The following MTFR1 variants were observed in gnomAD, a reference collection of about 807,000 sequenced individuals.
The protein encoded by MTFR1 is mitochondrial fission regulator 1.
In MTFR1, 28 loss-of-function variants were observed where a neutral mutation model predicts 38.8. That is an observed-to-expected ratio of 0.72 (90% CI 0.53 to 0.99). The LOEUF (loss-of-function observed/expected upper bound fraction) is 0.99. MTFR1 is among the 50% of genes least tolerant of loss of function. The pLI, the probability that MTFR1 is intolerant of heterozygous loss-of-function variation, is 0.00. For missense variants in MTFR1, 358 were observed against 395.5 expected (o/e 0.91, Z 0.81); for synonymous variants, 145 against 137.0 (o/e 1.06, Z -0.41).
rs764160012 is a variant in MTFR1, at chr8:65,669,943, T to C, written c.-10T>C. 3.7e-6 allele frequency: 6 copies of C among 1,604,782 alleles called. No homozygotes were observed. In the South Asian group the frequency reaches 4.5e-5, roughly 12 times the overall value. On this transcript the variant is annotated 5_prime_UTR_variant, in exon 2 of 8. Coordinates refer to ENST00000262146, the MANE Select transcript of MTFR1 (RefSeq NM_014637.4). Reference sequence around the variant, plus strand: ...TTGAAATGCAAATTTGGGGAGACTTTGCCATATAAATGCTTGGCTGGATTA... The same window carrying C: ...TTGAAATGCAAATTTGGGGAGACTTCGCCATATAAATGCTTGGCTGGATTA...
chr8:65,777,591 T>C, the MTFR1 span, among the ~76,000 whole-genome samples: 1 of 152,236 alleles, frequency 6.6e-6, no homozygotes. Context: ...TGTCATGTTG[T>C]AGTATCAAGA....
intron 3 of MTFR1, chr8:65,745,391 CA>C (rs1807629921): frequency 1.4e-6 from 2 of 1,452,114 alleles, no homozygotes; most frequent in African/African-American, 2.8e-5. Context: ...TTGAGCAAGT[CA>C]AATTCTTCAC....
intron 2 of MTFR1, among the ~76,000 whole-genome samples, chr8:65,678,064 C>T (rs889559452): frequency 1.3e-5 from 2 of 151,768 alleles, no homozygotes; most frequent in Admixed American, 6.6e-5. Context: ...ATTTTCTTCT[C>T]CCTGCCTTCT....
At chr8:65,724,939 T>G in intron 3 of MTFR1, 4 of 1,549,050 alleles carry the variant, frequency 2.6e-6, no homozygotes, top group Non-Finnish European at 3.5e-6. Flanking sequence ...TAGAGAAATA[T>G]AAAGAGAAAA....
At chr8:65,723,578 G>T in intron 3 of MTFR1, 2 of 1,580,394 alleles carry the variant, frequency 1.3e-6, no homozygotes, top group Non-Finnish European at 1.7e-6. Flanking sequence ...TGTGACGATC[G>T]CAAAGTGGAC....
At chr8:65,693,401 C>CA (rs145531132) in intron 3 of MTFR1, among the ~76,000 whole-genome samples, 6,928 of 131,360 alleles carry the variant, frequency 0.053, 224 homozygotes, top group Admixed American at 0.089. Flanking sequence ...GACTTTGTCT[C>CA]AAAAAAAAAA....
At position 65,710,255 on chromosome 8, in the gene MTFR1, T is replaced by TTTAAG. The variant is rs1023517869; in HGVS notation, c.*1214_*1218dup. 3 of 152,178 alleles carry TTTAAG rather than the reference T, an allele frequency of 2.0e-5. No homozygotes were observed. Among genetic ancestry groups the TTTAAG allele is most frequent in the Non-Finnish European group, 2.9e-5 (2 of 68,010 alleles). The allele number at this position is 152,178 out of a possible 1,614,324, so 9.4% of individuals were successfully genotyped here. ...TAGGAGATGGGAGTAGAGATTCACT[T>TTTAAG]TTAAGTTCTTGAAAATATATGCATT... On this transcript the variant is annotated 3_prime_UTR_variant, in exon 8 of 8. Transcript: ENST00000262146.
At chr8:65,723,651 A>C in intron 3 of MTFR1, 1 of 1,424,586 alleles carries the variant, frequency 7.0e-7, no homozygotes, top group Non-Finnish European at 9.5e-7. Context: ...AAGTATTAAT[A>C]TGAAGAATAT....
chr8:65,688,002 A>G (rs1027765252), intron 3 of MTFR1, among the ~76,000 whole-genome samples: 33 of 150,556 alleles, frequency 2.2e-4, no homozygotes, highest in Non-Finnish European at 4.7e-4. Flanking sequence ...CGGGAGACTG[A>G]GGCAGGAGAA....
chr8:65,698,829 A>G (rs1038625562), intron 4 of MTFR1, among the ~76,000 whole-genome samples: 11 of 151,976 alleles, frequency 7.2e-5, no homozygotes, highest in Admixed American at 5.9e-4. Flanking sequence ...CCTGGGTTCA[A>G]GCGATTTTCA....
downstream of MTFR1, among the ~76,000 whole-genome samples, chr8:65,771,466 T>C (rs1329001663): frequency 1.3e-5 from 2 of 152,186 alleles, no homozygotes; most frequent in Non-Finnish European, 2.9e-5. Context: ...TAATATCATA[T>C]GTCTTTAACC....
At chr8:65,705,355 G>T (rs529346538) in intron 5 of MTFR1, among the ~76,000 whole-genome samples, 5 of 152,212 alleles carry the variant, frequency 3.3e-5, no homozygotes, top group Admixed American at 1.3e-4. Flanking sequence ...AAAAAACCAG[G>T]TGTCAGTCCT....
At chr8:65,722,456 T>C (rs1806425166) in intron 3 of MTFR1, 1 of 152,266 alleles carries the variant, frequency 6.6e-6, no homozygotes, top group South Asian at 2.1e-4. Context: ...TGCTACCTTC[T>C]TAGTTTCTGG....
chr8:65,669,858 A>T lies in MTFR1; in HGVS notation c.-80-15A>T. ...ATAATGATTTCATTTTAGTATTTGC[A>T]TTTTAAATTTTCAGTGTGTTTTATG... On this transcript the variant is annotated splice_polypyrimidine_tract_variant and intron_variant, in intron 1 of 7. Coordinates refer to ENST00000262146, the MANE Select transcript of MTFR1 (RefSeq NM_014637.4). 1 of 944,560 alleles carries T rather than the reference A, an allele frequency of 1.1e-6. No individual in the cohort carries two copies. The highest frequency in any genetic ancestry group is 1.5e-5 in the South Asian group (1 of 68,500). 58.5% of individuals were successfully genotyped at this position (944,560 alleles called of 1,614,324 possible). A position where few individuals can be genotyped will look rare whatever the true frequency, so the allele number is the denominator to read the frequency against.
chr8:65,721,618 T>C (rs527368101), intron 3 of MTFR1, among the ~76,000 whole-genome samples: 128 of 152,310 alleles, frequency 8.4e-4, no homozygotes, highest in African/African-American at 3.0e-3. Flanking sequence ...TAGCTTGAGA[T>C]GAACAGTGAA....
In MTFR1 at chr8:65,745,926, G is replaced by T. The variant is rs571451477; in HGVS notation, c.*49-25021G>T. Among the ~76,000 whole-genome samples, 5 of 151,726 alleles carry T rather than the reference G, an allele frequency of 3.3e-5. No homozygotes were observed. In the South Asian group the frequency reaches 1.0e-3, roughly 31 times the overall value. Reference sequence around the variant, plus strand: ...ACTAAGAACAACACTATCAGATGTTGTTTTCTTTTTTCTTTGAGACAGGGT... The same window carrying T: ...ACTAAGAACAACACTATCAGATGTTTTTTTCTTTTTTCTTTGAGACAGGGT... On this transcript the variant is annotated intron_variant, in intron 3 of 3. Coordinates refer to the MTFR1 transcript ENST00000521247.
intron 3 of MTFR1, among the ~76,000 whole-genome samples, chr8:65,721,018 A>C (rs751348715): frequency 3.9e-5 from 6 of 152,156 alleles, no homozygotes; most frequent in Non-Finnish European, 7.3e-5. Context: ...CAGCCAACAA[A>C]TTAGCTATCA....
chr8:65,763,920 AG>A (rs1259059045), intron 3 of MTFR1, among the ~76,000 whole-genome samples: 1 of 152,232 alleles, frequency 6.6e-6, no homozygotes, highest in African/African-American at 2.4e-5. Context: ...TATGCTATCG[AG>A]TTAAGGAAGA....
intron 3 of MTFR1, among the ~76,000 whole-genome samples, chr8:65,770,121 C>CTGTGTGTG (rs10608556): frequency 5.9e-4 from 87 of 146,554 alleles, no homozygotes; most frequent in Middle Eastern, 3.4e-3. Flanking sequence ...CAGTATACTT[C>CTGTGTGTG]TGTGTGTGTG....
Sources: gnomAD v4.1 joint callset for allele counts (sites outside exome capture counted in the v4.1 genomes callset) on GRCh38, gnomAD v4.1.1 for gene constraint, MANE v1.5 for transcripts, NCBI Gene and HGNC (gene_info 2026-07-23, HGNC 2026-07-21) for gene names.